Variants in NOVA1 observed in about 807,000 individuals in gnomAD.
NOVA1 encodes the protein NOVA alternative splicing regulator 1.
NOVA1 carries 7 observed loss-of-function variants against 38.0 expected under a neutral mutation model. That is an observed-to-expected ratio of 0.18 (90% CI 0.10 to 0.35). NOVA1 has a LOEUF of 0.35. Ranked by LOEUF, NOVA1 falls within the 10% of genes least tolerant of loss-of-function variation. The probability of loss-of-function intolerance (pLI) is 1.00; values close to 1 mark genes in which losing one functional copy is unlikely to be tolerated. For synonymous variants in NOVA1, 270 were observed against 232.5 expected, an observed-to-expected ratio of 1.16 and a Z score of -1.47; for missense variants, 460 against 616.0, an observed-to-expected ratio of 0.75 and a Z score of 2.68.
chr14:26,538,482 A>G (rs2138585819), intron 2 of NOVA1, among the ~76,000 whole-genome samples: 1 of 152,252 alleles, frequency 6.6e-6, no homozygotes, highest in South Asian at 2.1e-4. Context: ...TGTCGATTAA[A>G]TTGTATTTCC....
At position 26,495,051 on chromosome 14, in the gene NOVA1, A is replaced by C. The variant is rs74042413; in HGVS notation, c.281-14908T>G. ...CTCTTTCTCTCTTTTTCTTCACTCCAGGGAGTTAGGTCTTTTTTAGTTCCT... is the reference window on the plus strand; with the variant it reads ...CTCTTTCTCTCTTTTTCTTCACTCCCGGGAGTTAGGTCTTTTTTAGTTCCT... On this transcript the variant is annotated intron_variant, in intron 2 of 4. Coordinates refer to ENST00000539517, the MANE Select transcript of NOVA1 (RefSeq NM_002515.3). Among the ~76,000 whole-genome samples the C allele has an allele frequency of 4.6e-5, 7 of 152,110 alleles. No homozygotes were observed. In the South Asian group the frequency reaches 1.0e-3, roughly 23 times the overall value.
chr14:26,582,243 C>T (rs1438153250), intron 2 of NOVA1, among the ~76,000 whole-genome samples: 3 of 151,766 alleles, frequency 2.0e-5, no homozygotes, highest in African/African-American at 4.8e-5. Context: ...ACATTCTTTA[C>T]TTATACCTTA....
Position 26,545,958 on chromosome 14 carries a change from G to A in NOVA1, c.280+49452C>T, listed in dbSNP as rs529643101. ...GTTTCTGGCATCAGTAGTCTTTTAC[G>A]CAAACTTATACATTTAAAATTTTCA... On this transcript the variant is annotated intron_variant, in intron 2 of 4. Transcript: ENST00000539517. 4.6e-5 allele frequency among the ~76,000 whole-genome samples: 7 copies of A among 151,868 alleles called. No individual in the cohort carries two copies. In the East Asian group the frequency reaches 7.7e-4, roughly 17 times the overall value.
intron 2 of NOVA1, among the ~76,000 whole-genome samples, chr14:26,501,348 AG>A (rs1223460535): frequency 6.6e-6 from 1 of 152,026 alleles, no homozygotes; most frequent in Non-Finnish European, 1.5e-5. Context: ...ACAGTTGCAT[AG>A]GTGCTAGGGA....
intron 2 of NOVA1, among the ~76,000 whole-genome samples, chr14:26,554,753 T>C (rs1891381394): frequency 6.6e-6 from 1 of 152,218 alleles, no homozygotes; most frequent in East Asian, 1.9e-4. Context: ...TGATTTTGAC[T>C]ATTCATTTCT....
chr14:26,460,356 G>C (rs1883550849), intron 4 of NOVA1, among the ~76,000 whole-genome samples: 1 of 151,714 alleles, frequency 6.6e-6, no homozygotes. Flanking sequence ...TTAACAAACT[G>C]TACTATTAGT....
At chr14:26,571,757 T>C (rs1892489948) in intron 2 of NOVA1, among the ~76,000 whole-genome samples, 1 of 152,186 alleles carries the variant, frequency 6.6e-6, no homozygotes, top group Non-Finnish European at 1.5e-5. Context: ...GAAGAAGGCA[T>C]TAATGGCCAG....
At chr14:26,595,645 G>C in intron 1 of NOVA1, 92 bp from the exon 2 acceptor site, 6 of 1,067,862 alleles carry the variant, frequency 5.6e-6, no homozygotes, top group Non-Finnish European at 8.1e-6. Context: ...AGCAACTAAA[G>C]CACTGGGTAT....
At chr14:26,463,711 T>C (rs137951457) in intron 4 of NOVA1, among the ~76,000 whole-genome samples, 206 of 152,308 alleles carry the variant, frequency 1.4e-3, no homozygotes, top group African/African-American at 4.3e-3. Context: ...TTGGATTTCT[T>C]CCTTGCTTAA....
chr14:26,597,481 T>G lies in NOVA1; in HGVS notation c.-45A>C. 7.9e-7 allele frequency: 1 copy of G among 1,267,434 alleles called. No individual in the cohort carries two copies. Among genetic ancestry groups the G allele is most frequent in the Non-Finnish European group, 1.0e-6 (1 of 998,628 alleles). The allele number at this position is 1,267,434 out of a possible 1,614,324, so 78.5% of individuals were successfully genotyped here. A position where few individuals can be genotyped will look rare whatever the true frequency, so the allele number is the denominator to read the frequency against. ...GCTACCGGGAGAAGGTTCTCCCTTTTGTTTTGGCTTTTTCTTTTCTTTTTT... is the reference window on the plus strand; with the variant it reads ...GCTACCGGGAGAAGGTTCTCCCTTTGGTTTTGGCTTTTTCTTTTCTTTTTT... On this transcript the variant is annotated 5_prime_UTR_variant, in exon 1 of 5. Coordinates refer to ENST00000539517, the MANE Select transcript of NOVA1 (RefSeq NM_002515.3).
At chr14:26,457,290 T>C (rs970685722) in intron 4 of NOVA1, among the ~76,000 whole-genome samples, 4 of 152,068 alleles carry the variant, frequency 2.6e-5, no homozygotes, top group African/African-American at 9.7e-5. Flanking sequence ...GTTGGGGATG[T>C]AGGGGTAAAT....
At chr14:26,474,311 G>A (rs1044081882) in intron 3 of NOVA1, among the ~76,000 whole-genome samples, 1 of 151,888 alleles carries the variant, frequency 6.6e-6, no homozygotes, top group South Asian at 2.1e-4. Flanking sequence ...TAATTCTGAA[G>A]TACTACAGGT....
chr14:26,586,908 G>GTT (rs558343568), intron 2 of NOVA1, among the ~76,000 whole-genome samples: 35 of 132,540 alleles, frequency 2.6e-4, no homozygotes, highest in Admixed American at 1.2e-3. Context: ...CATCATCTCA[G>GTT]TTTTTTTTTT....
At chr14:26,458,065 T>C (rs1341958256) in intron 4 of NOVA1, among the ~76,000 whole-genome samples, 3 of 152,038 alleles carry the variant, frequency 2.0e-5, no homozygotes, top group Admixed American at 6.6e-5. Flanking sequence ...GTGGCCAACA[T>C]ACATATGAAA....
At chr14:26,588,180 G>C (rs1444325984) in intron 2 of NOVA1, among the ~76,000 whole-genome samples, 1 of 149,744 alleles carries the variant, frequency 6.7e-6, no homozygotes, top group Non-Finnish European at 1.5e-5. Context: ...AGTTTCACAA[G>C]GAAGGTAAAA....
At chr14:26,562,258 C>G (rs1311216957) in intron 2 of NOVA1, among the ~76,000 whole-genome samples, 5 of 152,188 alleles carry the variant, frequency 3.3e-5, no homozygotes, top group Non-Finnish European at 5.9e-5. Flanking sequence ...CTGTCACTTA[C>G]TAGCCCTGTG....
Position 26,554,645 on chromosome 14 carries a change from C to G in NOVA1, c.280+40765G>C, listed in dbSNP as rs567471358. Among the ~76,000 whole-genome samples, 13 of 152,212 alleles carry G rather than the reference C, an allele frequency of 8.5e-5. No individual in the cohort carries two copies. The South Asian group carries it at 1.2e-3, about 15-fold the overall frequency. On this transcript the variant is annotated intron_variant, in intron 2 of 4. Transcript: ENST00000539517. ...GACTAATCATAAACAAAAAAGGTCA[C>G]ACTGGAGAAAAATAAAACCACTCCA...
chr14:26,482,754 G>T (rs146687763), intron 2 of NOVA1, among the ~76,000 whole-genome samples: 1 of 152,106 alleles, frequency 6.6e-6, no homozygotes, highest in South Asian at 2.1e-4. Context: ...CTGGAGTGCA[G>T]TGGTGAGATC....
intron 2 of NOVA1, among the ~76,000 whole-genome samples, chr14:26,520,282 T>C (rs980435990): frequency 3.9e-5 from 6 of 152,152 alleles, no homozygotes; most frequent in African/African-American, 1.4e-4. Flanking sequence ...AACCCATATA[T>C]GGAGGGCCAG....
Sources: allele counts gnomAD v4.1 joint callset (sites outside exome capture counted in the v4.1 genomes callset), GRCh38; gene constraint gnomAD v4.1.1; transcripts MANE v1.5; gene names NCBI Gene and HGNC (gene_info 2026-07-23, HGNC 2026-07-21).